BCL11B: variants seen among roughly 807,000 people sequenced by gnomAD.
BCL11B encodes BCL11 transcription factor B, also known as B-cell lymphoma/leukemia 11B.
BCL11B carries 8 observed loss-of-function variants against 49.9 expected under a neutral mutation model. The observed-to-expected ratio is 0.16, with a 90% confidence interval of 0.09 to 0.29. The LOEUF is 0.29. Among genes scored for constraint, BCL11B ranks in the 10% least tolerant of loss-of-function variants. BCL11B has a pLI of 1.00. For missense variants in BCL11B, 1,006 were observed against 1,351.0 expected, an observed-to-expected ratio of 0.74 and a Z score of 4.00; for synonymous variants, 739 against 637.4, an observed-to-expected ratio of 1.16 and a Z score of -2.40.
Position 99,231,297 on chromosome 14 carries a change from AC to A in BCL11B, c.640+47del, listed in dbSNP as rs752967379. The A allele has an allele frequency of 3.2e-6, 5 of 1,577,680 alleles. No individual in the cohort carries two copies. Among genetic ancestry groups the A allele is most frequent in the South Asian group, 2.3e-5 (2 of 87,112 alleles). On this transcript the variant is annotated intron_variant, in intron 3 of 3. Transcript: ENST00000357195. The surrounding 1 kb of genome is among the most constrained non-coding windows in gnomAD (Gnocchi z 8.1). ...CTTGCTCCAGCGCTGCCCATGGCAC[AC>A]CCCGCCATCCCGGGGGCCCGCCCCC...
At chr14:99,187,156 C>G (rs548199593) in intron 3 of BCL11B, among the ~76,000 whole-genome samples, 24 of 152,310 alleles carry the variant, frequency 1.6e-4, no homozygotes, top group African/African-American at 5.5e-4. Flanking sequence ...GTTTCAGGCT[C>G]AGGAAACAGC....
intron 3 of BCL11B, among the ~76,000 whole-genome samples, chr14:99,209,837 G>C (rs1887638445): frequency 6.6e-6 from 1 of 152,094 alleles, no homozygotes; most frequent in East Asian, 1.9e-4. Context: ...CAAAAATGCA[G>C]TGCTCAGGAT....
In BCL11B at chr14:99,257,385, TTCC is replaced by T. The variant is rs1889196407; in HGVS notation, c.427+83_427+85del. The T allele has an allele frequency of 6.7e-7, 1 of 1,487,534 alleles. No individual in the cohort carries two copies. The highest frequency in any genetic ancestry group is 1.4e-5 in the African/African-American group (1 of 71,616). The allele number at this position is 1,487,534 out of a possible 1,614,324, so 92.1% of individuals were successfully genotyped here. ...AGGCCATCCTGGAAGCCCCTGGGCC[TTCC>T]CCTGCACCAGCACACTCAGGCAGAG... On this transcript the variant is annotated intron_variant, in intron 2 of 3. Transcript: ENST00000357195. The surrounding 1 kb of genome is among the most constrained non-coding windows in gnomAD (Gnocchi z 6.2).
In BCL11B at chr14:99,257,984, C is replaced by G. The variant is rs578032494; in HGVS notation, c.59-145G>C. On this transcript the variant is annotated intron_variant, in intron 1 of 3. Transcript: ENST00000357195. This position sits in a 1 kb window ranked among gnomAD's most constrained non-coding sequence, Gnocchi z 6.2. Reference sequence around the variant, plus strand: ...CTGCCAGAGCTCACCAGGTCCTCCCCGGGGTTGGGGGCTGGTGAGCATCCC... The same window carrying G: ...CTGCCAGAGCTCACCAGGTCCTCCCGGGGGTTGGGGGCTGGTGAGCATCCC... 6 of 1,058,146 alleles carry G rather than the reference C, an allele frequency of 5.7e-6. No individual in the cohort carries two copies. Among genetic ancestry groups the G allele is most frequent in the South Asian group, 5.1e-5 (2 of 39,456 alleles). The allele number at this position is 1,058,146 out of a possible 1,614,324, so 65.5% of individuals were successfully genotyped here. A position where few individuals can be genotyped will look rare whatever the true frequency, so the allele number is the denominator to read the frequency against.
chr14:99,231,987 C>T lies in BCL11B; in HGVS notation c.428-430G>A, dbSNP rs1199896220. On this transcript the variant is annotated intron_variant, in intron 2 of 3. Transcript: ENST00000357195. The surrounding 1 kb of genome is among the most constrained non-coding windows in gnomAD (Gnocchi z 8.1). Reference sequence around the variant, plus strand: ...GGAAGAGCTGGGAAGCTCACAGCCTCCCCTGTTTGCTGTATCAGGATGGGC... The same window carrying T: ...GGAAGAGCTGGGAAGCTCACAGCCTTCCCTGTTTGCTGTATCAGGATGGGC... Among the ~76,000 whole-genome samples the T allele has an allele frequency of 6.6e-6, 1 of 152,094 alleles. No homozygotes were observed. The highest frequency in any genetic ancestry group is 1.9e-4 in the East Asian group (1 of 5,172).
In BCL11B at chr14:99,241,590, T is replaced by C. The variant is rs191211802; in HGVS notation, c.428-10033A>G. Among the ~76,000 whole-genome samples the C allele has an allele frequency of 2.5e-4, 38 of 152,322 alleles. 1 individual carries two copies. The highest frequency in any genetic ancestry group is 8.9e-4 in the African/African-American group (37 of 41,586). ...CGCCTCTGACAGCTGCCTCCTGCCCTTGGAGCGGCCAAGTGCAAACAAAAA... is the reference window on the plus strand; with the variant it reads ...CGCCTCTGACAGCTGCCTCCTGCCCCTGGAGCGGCCAAGTGCAAACAAAAA... On this transcript the variant is annotated intron_variant, in intron 2 of 3. Coordinates refer to ENST00000357195, the MANE Select transcript of BCL11B (RefSeq NM_138576.4). The surrounding 1 kb of genome is among the most constrained non-coding windows in gnomAD (Gnocchi z 4.4).
intron 3 of BCL11B, among the ~76,000 whole-genome samples, chr14:99,221,116 A>G (rs747323261): frequency 6.6e-6 from 1 of 152,196 alleles, no homozygotes; most frequent in African/African-American, 2.4e-5. Flanking sequence ...TCAGCCTCCC[A>G]AAGTGCTGGG....
At chr14:99,215,177 G>A (rs1452771281) in intron 3 of BCL11B, among the ~76,000 whole-genome samples, 1 of 151,562 alleles carries the variant, frequency 6.6e-6, no homozygotes, top group Non-Finnish European at 1.5e-5. Flanking sequence ...TCCGGCCAAG[G>A]GAGATGCACT....
At chr14:99,191,576 C>T (rs1887031820) in intron 3 of BCL11B, among the ~76,000 whole-genome samples, 1 of 152,122 alleles carries the variant, frequency 6.6e-6, no homozygotes, top group South Asian at 2.1e-4. Flanking sequence ...TTGTAGAAAT[C>T]ATTTGAATTC....
Position 99,235,171 on chromosome 14 carries a change from G to A in BCL11B, c.428-3614C>T, listed in dbSNP as rs77300202. On this transcript the variant is annotated intron_variant, in intron 2 of 3. Coordinates refer to ENST00000357195, the MANE Select transcript of BCL11B (RefSeq NM_138576.4). ...TCCCCACCCCTGAAGCCTCTGGGGC[G>A]TCCCCTCCCAAATGGGAGGATTACA... 6.6e-3 allele frequency among the ~76,000 whole-genome samples: 1,004 copies of A among 152,318 alleles called. 53 individuals carry two copies. In the East Asian group the frequency reaches 0.15, roughly 22 times the overall value.
At chr14:99,179,061 C>T (rs1027340343) in intron 3 of BCL11B, among the ~76,000 whole-genome samples, 2 of 152,208 alleles carry the variant, frequency 1.3e-5, no homozygotes, top group Non-Finnish European at 2.9e-5. Context: ...GCAGTGAAGG[C>T]GGCTCTACAG....
chr14:99,257,156 T>C lies in BCL11B; in HGVS notation c.427+315A>G, dbSNP rs955479123. On this transcript the variant is annotated intron_variant, in intron 2 of 3. Transcript: ENST00000357195. The surrounding 1 kb of genome is among the most constrained non-coding windows in gnomAD (Gnocchi z 6.2). Reference sequence around the variant, plus strand: ...AAATCAGGGACTAAGCCAAGATCAGTAGCAAAGAGAGGGCCAACCAGACTT... The same window carrying C: ...AAATCAGGGACTAAGCCAAGATCAGCAGCAAAGAGAGGGCCAACCAGACTT... 2.0e-5 allele frequency among the ~76,000 whole-genome samples: 3 copies of C among 152,192 alleles called. No homozygotes were observed. The highest frequency in any genetic ancestry group is 7.2e-5 in the African/African-American group (3 of 41,448).
At chr14:99,200,279 A>G (rs1483100597) in intron 3 of BCL11B, among the ~76,000 whole-genome samples, 1 of 152,232 alleles carries the variant, frequency 6.6e-6, no homozygotes, top group African/African-American at 2.4e-5. Context: ...TGGGGAGCTC[A>G]GATTCCACCC....
chr14:99,214,089 T>C (rs1887762957), intron 3 of BCL11B, among the ~76,000 whole-genome samples: 1 of 152,114 alleles, frequency 6.6e-6, no homozygotes, highest in African/African-American at 2.4e-5. Context: ...ACCCCCTTGG[T>C]GAAACAGCAC....
chr14:99,261,148 C>T (rs1398946848), intron 1 of BCL11B, among the ~76,000 whole-genome samples: 1 of 152,158 alleles, frequency 6.6e-6, no homozygotes, highest in African/African-American at 2.4e-5. Flanking sequence ...CAAGGTCACC[C>T]TCAACATCAG....
chr14:99,202,774 G>A (rs547335216), intron 3 of BCL11B, among the ~76,000 whole-genome samples: 5 of 152,288 alleles, frequency 3.3e-5, no homozygotes, highest in South Asian at 4.1e-4. Context: ...TAGCGAGGCC[G>A]AGGCCACCTG....
chr14:99,225,026 G>A (rs140967317), intron 3 of BCL11B, among the ~76,000 whole-genome samples: 1 of 152,278 alleles, frequency 6.6e-6, no homozygotes, highest in African/African-American at 2.4e-5. Context: ...TGAAGTCCAA[G>A]GCACCCAACG....
In BCL11B at chr14:99,231,834, A is replaced by G. The variant is rs1448760153; in HGVS notation, c.428-277T>C. On this transcript the variant is annotated intron_variant, in intron 2 of 3. Transcript: ENST00000357195. This position sits in a 1 kb window ranked among gnomAD's most constrained non-coding sequence, Gnocchi z 8.1. ...GACCCCGCCTCTGGGGGCCTGGTGC[A>G]GGGGGCTGGGTGAACGGGGGCTGTG... Among the ~76,000 whole-genome samples, 1 of 151,372 alleles carries G rather than the reference A, an allele frequency of 6.6e-6. No individual in the cohort carries two copies. The highest frequency in any genetic ancestry group is 6.6e-5 in the Admixed American group (1 of 15,248).
rs1888230365 is a variant in BCL11B, at chr14:99,228,911, A to C, written c.640+2434T>G. The stretch of plus-strand genomic sequence containing the variant: ...CCAAATGGCTTCAAGCTAAAGAATG[A>C]ATAAATGGATGGATGGATGGATGGA... On this transcript the variant is annotated intron_variant, in intron 3 of 3. Coordinates refer to ENST00000357195, the MANE Select transcript of BCL11B (RefSeq NM_138576.4). This position sits in a 1 kb window ranked among gnomAD's most constrained non-coding sequence, Gnocchi z 4.8. 6.6e-6 allele frequency among the ~76,000 whole-genome samples: 1 copy of C among 152,218 alleles called. No homozygotes were observed. Among genetic ancestry groups the C allele is most frequent in the African/African-American group, 2.4e-5 (1 of 41,456 alleles).
Sources: allele counts gnomAD v4.1 joint callset (sites outside exome capture counted in the v4.1 genomes callset), GRCh38; gene constraint gnomAD v4.1.1; non-coding constraint Gnocchi (gnomAD v3.1); transcripts MANE v1.5; gene names NCBI Gene and HGNC (gene_info 2026-07-23, HGNC 2026-07-21).